The following SPATA13 variants were observed in gnomAD, a reference collection of about 807,000 sequenced individuals.
The protein encoded by SPATA13 is spermatogenesis-associated protein 13.
SPATA13 carries 50 observed loss-of-function variants against 104.0 expected under a neutral mutation model. The ratio of observed to expected loss-of-function variants is 0.48; its 90% CI spans 0.38 to 0.61. The LOEUF is 0.61. Among genes scored for constraint, SPATA13 ranks in the 20% least tolerant of loss-of-function variants. The pLI is 0.00. For synonymous variants in SPATA13, 606 were observed against 667.5 expected, an observed-to-expected ratio of 0.91 and a Z score of 1.42; for missense variants, 1,524 against 1,690.6, an observed-to-expected ratio of 0.90 and a Z score of 1.73.
rs551360547 is a variant in SPATA13 at position 24,058,965 on chromosome 13, TTTTTGTTTTG to T, written c.-112+41280_-112+41289del. ...ACAAGAGCCATGGTCTGTGTATTGT[TTTTTGTTTTG>T]TTTTGTTTTGTTTTGAGACGGAGTC... On this transcript the variant is annotated intron_variant, in intron 3 of 14. Coordinates refer to the SPATA13 transcript ENST00000424834. Among the ~76,000 whole-genome samples the T allele has an allele frequency of 2.0e-5, 3 of 149,688 alleles. 1 individual carries two copies. Among genetic ancestry groups the T allele is most frequent in the Non-Finnish European group, 4.5e-5 (3 of 66,820 alleles).
chr13:24,123,808 G>A, intron 3 of SPATA13: 1 of 945,496 alleles, frequency 1.1e-6, no homozygotes, highest in Non-Finnish European at 1.7e-6. Context: ...GAAACTCCTT[G>A]ATTAATAAAA....
At chr13:24,160,593 G>T (rs1171331431), upstream of SPATA13, 22 of 420,322 alleles carry the variant, frequency 5.2e-5, no homozygotes, top group Non-Finnish European at 7.0e-5. Context: ...TGGTAGTGTG[G>T]GGGCGTGGCC....
chr13:24,016,961 G>C (rs1372475389), intron 2 of SPATA13, among the ~76,000 whole-genome samples: 1 of 152,216 alleles, frequency 6.6e-6, no homozygotes, highest in Non-Finnish European at 1.5e-5. Flanking sequence ...GGAGCCCATG[G>C]AGGGTGTGAT....
chr13:24,024,452 G>C (rs1877117807), intron 3 of SPATA13, among the ~76,000 whole-genome samples: 1 of 149,358 alleles, frequency 6.7e-6, no homozygotes, highest in African/African-American at 2.5e-5. Flanking sequence ...CATTCTCTTG[G>C]GTTGTCTAGT....
At chr13:24,292,763 C>T (rs868660956) in intron 9 of SPATA13, among the ~76,000 whole-genome samples, 2 of 151,856 alleles carry the variant, frequency 1.3e-5, no homozygotes, top group Non-Finnish European at 2.9e-5. Context: ...TTTGGGAGGC[C>T]GAAACGGGTG....
chr13:24,119,947 C>G (rs548959225), intron 3 of SPATA13, among the ~76,000 whole-genome samples: 1 of 152,184 alleles, frequency 6.6e-6, no homozygotes, highest in African/African-American at 2.4e-5. Context: ...CATGAGGGAG[C>G]AAATGCAGAA....
intron 2 of SPATA13, among the ~76,000 whole-genome samples, chr13:24,230,917 C>G (rs1373157443): frequency 1.3e-5 from 2 of 152,164 alleles, no homozygotes; most frequent in African/African-American, 4.8e-5. Context: ...CATTCCGTGG[C>G]TGGGGTTGAT....
intron 3 of SPATA13, among the ~76,000 whole-genome samples, chr13:24,023,109 G>A (rs77449781): frequency 0.01 from 1,531 of 152,002 alleles, 12 homozygotes; most frequent in Middle Eastern, 0.031. Context: ...CCCATGACAG[G>A]CCCCTGTGTG....
chr13:24,274,079 A>G (rs544851766), intron 4 of SPATA13, among the ~76,000 whole-genome samples: 1 of 152,284 alleles, frequency 6.6e-6, no homozygotes, highest in South Asian at 2.1e-4. Context: ...GCGTGGACGG[A>G]TGGAAGGATT....
At chr13:24,170,309 G>A (rs143807383) in intron 1 of SPATA13, among the ~76,000 whole-genome samples, 191 of 152,288 alleles carry the variant, frequency 1.3e-3, no homozygotes, top group African/African-American at 4.3e-3. Flanking sequence ...AAGCATAGTG[G>A]CTTATTCAGT....
intron 1 of SPATA13, among the ~76,000 whole-genome samples, chr13:24,178,293 C>T (rs1483093855): frequency 6.6e-6 from 1 of 152,182 alleles, no homozygotes; most frequent in Non-Finnish European, 1.5e-5. Flanking sequence ...TGAGCATGCT[C>T]TTGAAAAATA....
At chr13:24,220,687 G>A (rs1871530777) in intron 1 of SPATA13, among the ~76,000 whole-genome samples, 1 of 152,160 alleles carries the variant, frequency 6.6e-6, no homozygotes, top group South Asian at 2.1e-4. Flanking sequence ...AACTGCAGAG[G>A]GCGTGTGGTA....
intron 3 of SPATA13, among the ~76,000 whole-genome samples, chr13:24,086,475 A>G (rs1004789106): frequency 4.6e-5 from 7 of 152,166 alleles, no homozygotes; most frequent in African/African-American, 1.4e-4. Flanking sequence ...TCATCCTGGC[A>G]TGACCACAAG....
chr13:24,037,446 T>C (rs944418588), intron 3 of SPATA13, among the ~76,000 whole-genome samples: 10 of 152,076 alleles, frequency 6.6e-5, no homozygotes, highest in African/African-American at 2.2e-4. Flanking sequence ...CTCGCTCTGT[T>C]GCCCAGGCTG....
chr13:24,265,515 T>G (rs1024741485), intron 4 of SPATA13, among the ~76,000 whole-genome samples: 1 of 152,206 alleles, frequency 6.6e-6, no homozygotes, highest in Admixed American at 6.5e-5. Flanking sequence ...ATCCCAACTT[T>G]AGAAAGTGCA....
At chr13:24,120,061 T>C (rs1234467176) in intron 3 of SPATA13, among the ~76,000 whole-genome samples, 1 of 152,214 alleles carries the variant, frequency 6.6e-6, no homozygotes, top group Non-Finnish European at 1.5e-5. Flanking sequence ...GATCTGTTTA[T>C]TTCTCTGTCT....
At chr13:24,120,379 T>A (rs376502698) in intron 3 of SPATA13, among the ~76,000 whole-genome samples, 1 of 152,208 alleles carries the variant, frequency 6.6e-6, no homozygotes, top group Non-Finnish European at 1.5e-5. Context: ...TTGCTTTTCT[T>A]TGGGGAAGAT....
chr13:24,081,467 A>T (rs949554743), intron 3 of SPATA13, among the ~76,000 whole-genome samples: 2 of 151,990 alleles, frequency 1.3e-5, no homozygotes, highest in Non-Finnish European at 2.9e-5. Context: ...AGTATCATAA[A>T]CTCACATCAA....
At chr13:24,294,000 A>G (rs2901981) in intron 9 of SPATA13, among the ~76,000 whole-genome samples, 134,972 of 152,224 alleles carry the variant, frequency 0.89, 60,035 homozygotes, top group East Asian at 1. Flanking sequence ...GTTGGTCTCC[A>G]TGGCCCCGCA....
Sources: allele counts gnomAD v4.1 joint callset (sites outside exome capture counted in the v4.1 genomes callset), GRCh38; gene constraint gnomAD v4.1.1; transcripts MANE v1.5; gene names NCBI Gene and HGNC (gene_info 2026-07-23, HGNC 2026-07-21).